IPO11: variants seen among roughly 807,000 people sequenced by gnomAD.
The protein encoded by IPO11 is importin-11.
A neutral mutation model predicts 143.2 loss-of-function variants in IPO11; 66 were observed. The ratio of observed to expected loss-of-function variants is 0.46; its 90% CI spans 0.38 to 0.57. The LOEUF (loss-of-function observed/expected upper bound fraction) is 0.57. IPO11 is among the 20% of genes least tolerant of loss of function. The probability of loss-of-function intolerance (pLI) is 0.00; values close to 1 mark genes in which losing one functional copy is unlikely to be tolerated. For synonymous variants in IPO11, 385 were observed against 377.8 expected (o/e 1.02, Z -0.22); for missense variants, 1,026 against 1,141.0 (o/e 0.90, Z 1.45).
At chr5:62,439,914 G>T (rs1299605632) in intron 2 of IPO11, among the ~76,000 whole-genome samples, 1 of 152,074 alleles carries the variant, frequency 6.6e-6, no homozygotes, top group Non-Finnish European at 1.5e-5. Flanking sequence ...CTGTTTTTCA[G>T]AGTACTTATA....
At chr5:62,508,809 T>C (rs968154323) in intron 19 of IPO11, among the ~76,000 whole-genome samples, 1 of 151,992 alleles carries the variant, frequency 6.6e-6, no homozygotes, top group Non-Finnish European at 1.5e-5. Context: ...CCTGTGTCCA[T>C]GTGTTCTCAT....
chr5:62,597,250 C>A (rs1429152729), intron 28 of IPO11, among the ~76,000 whole-genome samples: 1 of 151,806 alleles, frequency 6.6e-6, no homozygotes, highest in Non-Finnish European at 1.5e-5. Context: ...TTTCTAATTA[C>A]CAGGATAAAA....
intron 6 of IPO11, among the ~76,000 whole-genome samples, chr5:62,467,542 T>A (rs1745614353): frequency 6.6e-6 from 1 of 152,152 alleles, no homozygotes; most frequent in Admixed American, 6.5e-5. Flanking sequence ...TGCTTCTAGT[T>A]TTTGTTTCTA....
intron 1 of IPO11, among the ~76,000 whole-genome samples, chr5:62,430,778 C>T (rs962698417): frequency 3.4e-5 from 5 of 146,050 alleles, no homozygotes; most frequent in Admixed American, 2.7e-4. Flanking sequence ...CCTGGGTTCA[C>T]ACGATTCCCC....
intron 10 of IPO11, 37 bp from the exon 11 acceptor site, chr5:62,483,973 T>TG: frequency 6.5e-7 from 1 of 1,549,688 alleles, no homozygotes; most frequent in Non-Finnish European, 8.8e-7. Context: ...CTACAATGTT[T>TG]GGCTATACAA....
chr5:62,557,155 T>C (rs111896352), intron 26 of IPO11, among the ~76,000 whole-genome samples: 32 of 152,296 alleles, frequency 2.1e-4, no homozygotes, highest in African/African-American at 7.5e-4. Context: ...AGTGTCTCTA[T>C]ATCCTTGATA....
At chr5:62,609,428 C>G (rs888934765) in intron 29 of IPO11, among the ~76,000 whole-genome samples, 1 of 152,196 alleles carries the variant, frequency 6.6e-6, no homozygotes, top group African/African-American at 2.4e-5. Context: ...AAGATCAAAT[C>G]CCTATAATAA....
At chr5:62,606,765 T>C (rs898415175) in intron 29 of IPO11, among the ~76,000 whole-genome samples, 6 of 152,214 alleles carry the variant, frequency 3.9e-5, no homozygotes, top group African/African-American at 1.4e-4. Context: ...TTGAAACATA[T>C]ATATGGCAAA....
intron 26 of IPO11, among the ~76,000 whole-genome samples, chr5:62,559,496 T>C (rs1226527027): frequency 6.6e-6 from 1 of 152,164 alleles, no homozygotes; most frequent in African/African-American, 2.4e-5. Context: ...TTATGTAATA[T>C]TCTAAATCAT....
At chr5:62,413,314 C>T (rs895378306) in intron 1 of IPO11, 4 of 152,154 alleles carry the variant, frequency 2.6e-5, no homozygotes, top group African/African-American at 4.8e-5. Context: ...GACCGTTGTG[C>T]ATTGTTACTG....
intron 2 of IPO11, among the ~76,000 whole-genome samples, chr5:62,441,496 CTTTTTTTTTTTTT>C (rs995019567): frequency 2.5e-4 from 12 of 47,376 alleles, no homozygotes; most frequent in African/African-American, 3.6e-4. Context: ...TGTGCCTGGC[CTTTTTTTTTTTTT>C]TTTTTTTTTT....
intron 5 of IPO11, among the ~76,000 whole-genome samples, chr5:62,453,030 A>G (rs1353433126): frequency 1.3e-5 from 2 of 150,824 alleles, no homozygotes; most frequent in African/African-American, 5.0e-5. Context: ...AAAGGTATAT[A>G]ATTTTAAGTC....
chr5:62,605,526 A>G (rs1351738619), intron 29 of IPO11, among the ~76,000 whole-genome samples: 1 of 152,076 alleles, frequency 6.6e-6, no homozygotes, highest in East Asian at 1.9e-4. Context: ...TCTGTCCAGT[A>G]TATTCTAATT....
At chr5:62,497,899 AC>A (rs1741212153) in intron 16 of IPO11, among the ~76,000 whole-genome samples, 1 of 152,188 alleles carries the variant, frequency 6.6e-6, no homozygotes, top group Non-Finnish European at 1.5e-5. Context: ...ACTGAATAAT[AC>A]GTAGTTTTCT....
At chr5:62,536,819 A>G in intron 23 of IPO11, 38 bp downstream of exon 23, 2 of 1,425,012 alleles carry the variant, frequency 1.4e-6, no homozygotes, top group Non-Finnish European at 1.8e-6. Flanking sequence ...GAAATTATAT[A>G]ATTATTATTT....
At position 62,461,898 on chromosome 5, in the gene IPO11, A is replaced by T. The variant is rs1054262887; in HGVS notation, c.517-5233A>T. Among the ~76,000 whole-genome samples the T allele has an allele frequency of 6.6e-5, 10 of 152,310 alleles. No individual in the cohort carries two copies. In the East Asian group the frequency reaches 1.7e-3, roughly 26 times the overall value. ...CAAATGTGAAAATCTGAAAATTGAA[A>T]CACTCTAGTGAGCATTTCCCTTGAG... On this transcript the variant is annotated intron_variant, in intron 5 of 29. Coordinates refer to ENST00000325324, the MANE Select transcript of IPO11 (RefSeq NM_016338.5).
At position 62,530,752 on chromosome 5, in the gene IPO11, C is replaced by T; in HGVS notation, c.2056C>T (p.Leu686Phe). Residue 686 changes from leucine (L) to phenylalanine (F), a missense_variant, in exon 22 of 30, where the codon CTT becomes TTT. Transcript: ENST00000325324. ...ENSPCITPEL[L>F]RIFQNMSPLL... is the part of the protein sequence containing the mutation. ...CAGTCCATGTATTACACCAGAGTTG[C>T]TTCGTATATTTCAGAATATGTCACC... The T allele has an allele frequency of 6.2e-7, 1 of 1,612,818 alleles. No homozygotes were observed. The highest frequency in any genetic ancestry group is 8.5e-7 in the Non-Finnish European group (1 of 1,179,200).
At chr5:62,459,248 T>G (rs185046101) in intron 5 of IPO11, among the ~76,000 whole-genome samples, 5 of 152,298 alleles carry the variant, frequency 3.3e-5, no homozygotes, top group Admixed American at 3.3e-4. Context: ...CTCCTGGGCC[T>G]GAGCTATATC....
At chr5:62,625,807 A>G (rs1294609942) in intron 29 of IPO11, among the ~76,000 whole-genome samples, 1 of 152,250 alleles carries the variant, frequency 6.6e-6, no homozygotes. Context: ...AAGCTAATAC[A>G]TAAGATGAGA....
Sources: gnomAD v4.1 joint callset for allele counts (sites outside exome capture counted in the v4.1 genomes callset) on GRCh38, gnomAD v4.1.1 for gene constraint, MANE v1.5 for transcripts, NCBI Gene and HGNC (gene_info 2026-07-23, HGNC 2026-07-21) for gene names.